Variants in TTC8 observed in about 807,000 individuals in gnomAD.
TTC8 encodes tetratricopeptide repeat domain 8.
TTC8 carries 47 observed loss-of-function variants against 72.5 expected under a neutral mutation model. That is an observed-to-expected ratio of 0.65 (90% CI 0.51 to 0.83). The LOEUF (loss-of-function observed/expected upper bound fraction) is 0.83. TTC8 is among the 40% of genes least tolerant of loss of function. The pLI is 0.00. For missense variants in TTC8, 611 were observed against 623.2 expected (o/e 0.98, Z 0.21); for synonymous variants, 199 against 221.4 (o/e 0.90, Z 0.90).
chr14:88,866,721 A>T (rs2094911521), intron 10 of TTC8, among the ~76,000 whole-genome samples: 1 of 152,186 alleles, frequency 6.6e-6, no homozygotes, highest in African/African-American at 2.4e-5. Context: ...GTGTTGTTGA[A>T]CTATGGTCAA....
At chr14:88,857,382 A>G (rs1208072002) in intron 9 of TTC8, 105 bp downstream of exon 9, 1 of 997,020 alleles carries the variant, frequency 1.0e-6, no homozygotes, top group Non-Finnish European at 1.6e-6. Flanking sequence ...ATATTTGGCA[A>G]GTTACTATGT....
At position 88,853,065 on chromosome 14, in the gene TTC8, C is replaced by T; in HGVS notation, c.710+9C>T. On this transcript the variant is annotated intron_variant, in intron 8 of 14. Coordinates refer to ENST00000380656, the MANE Select transcript of TTC8 (RefSeq NM_144596.4). ...GGAAAATGTTACTACAGGTAAATTT[C>T]ATTATTTGTGAAGGGCTTAGAAGTG... 6.2e-7 allele frequency: 1 copy of T among 1,606,402 alleles called. No individual in the cohort carries two copies. The highest frequency in any genetic ancestry group is 8.5e-7 in the Non-Finnish European group (1 of 1,173,574).
At chr14:88,830,160 T>C (rs2094719522) in intron 1 of TTC8, among the ~76,000 whole-genome samples, 1 of 152,188 alleles carries the variant, frequency 6.6e-6, no homozygotes, top group South Asian at 2.1e-4. Flanking sequence ...GCATAAGTAG[T>C]GGTGGTAATT....
chr14:88,834,565 T>A (rs2094741372), intron 2 of TTC8, among the ~76,000 whole-genome samples: 1 of 152,200 alleles, frequency 6.6e-6, no homozygotes, highest in African/African-American at 2.4e-5. Flanking sequence ...AAAGTACTCT[T>A]ATGGAGGCTT....
At chr14:88,844,981 T>TAGTTAA (rs1408513612) in intron 7 of TTC8, among the ~76,000 whole-genome samples, 14 of 151,822 alleles carry the variant, frequency 9.2e-5, no homozygotes, top group African/African-American at 3.1e-4. Flanking sequence ...ATAAATGAAA[T>TAGTTAA]AGTTAAAGAG....
chr14:88,828,596 AC>A (rs1310782582), intron 1 of TTC8, among the ~76,000 whole-genome samples: 1 of 152,188 alleles, frequency 6.6e-6, no homozygotes, highest in Non-Finnish European at 1.5e-5. Context: ...TTTTGCTCTT[AC>A]GTTTTCCCCT....
chr14:88,869,302 G>A (rs1411044872), intron 10 of TTC8, among the ~76,000 whole-genome samples: 1 of 152,150 alleles, frequency 6.6e-6, no homozygotes, highest in African/African-American at 2.4e-5. Context: ...TATAATAACT[G>A]TAGAAGGTTT....
chr14:88,839,128 T>C (rs1366586516), intron 2 of TTC8, among the ~76,000 whole-genome samples: 1 of 152,202 alleles, frequency 6.6e-6, no homozygotes, highest in Non-Finnish European at 1.5e-5. Flanking sequence ...TGTAGCTTTA[T>C]TCATTTGTTT....
intron 10 of TTC8, among the ~76,000 whole-genome samples, chr14:88,867,944 G>A (rs980438067): frequency 6.6e-5 from 10 of 152,136 alleles, no homozygotes; most frequent in African/African-American, 2.4e-4. Context: ...CATAGATTTG[G>A]GTCAACTGGT....
intron 2 of TTC8, chr14:88,837,120 G>T: frequency 4.7e-6 from 1 of 211,762 alleles, no homozygotes; most frequent in South Asian, 4.7e-5. Flanking sequence ...CCAAATCATA[G>T]TTCTGAAGCC....
At chr14:88,857,565 A>G (rs2094862622) in intron 9 of TTC8, among the ~76,000 whole-genome samples, 1 of 152,136 alleles carries the variant, frequency 6.6e-6, no homozygotes, top group South Asian at 2.1e-4. Flanking sequence ...AACAGGCCCC[A>G]ATGAGGCCTT....
intron 6 of TTC8, among the ~76,000 whole-genome samples, chr14:88,842,674 C>G (rs2094787379): frequency 6.6e-6 from 1 of 152,176 alleles, no homozygotes; most frequent in African/African-American, 2.4e-5. Context: ...GCATCCAGGA[C>G]AGATCTGGTC....
chr14:88,873,046 C>T (rs998904294), intron 13 of TTC8, among the ~76,000 whole-genome samples: 3 of 152,034 alleles, frequency 2.0e-5, no homozygotes, highest in African/African-American at 7.2e-5. Flanking sequence ...TTTTTAAAAC[C>T]AAGACTGTTT....
intron 2 of TTC8, among the ~76,000 whole-genome samples, 193 bp from the exon 3 acceptor site, chr14:88,839,259 T>A (rs2094768031): frequency 6.6e-6 from 1 of 151,952 alleles, no homozygotes. Flanking sequence ...GATACATTGG[T>A]TGTTTCTTGA....
intron 1 of TTC8, 77 bp downstream of exon 1, chr14:88,824,898 T>G (rs2140944483): frequency 7.1e-7 from 1 of 1,402,264 alleles, no homozygotes; most frequent in Non-Finnish European, 9.9e-7. Context: ...AGCCCCGGGT[T>G]GGGAGGCCGG....
At chr14:88,837,314 C>T (rs1162638407) in intron 2 of TTC8, among the ~76,000 whole-genome samples, 1 of 152,110 alleles carries the variant, frequency 6.6e-6, no homozygotes, top group Non-Finnish European at 1.5e-5. Context: ...TTTGCCTGTC[C>T]GCTGGGCCCA....
intron 7 of TTC8, among the ~76,000 whole-genome samples, chr14:88,846,008 C>T (rs931307914): frequency 6.6e-6 from 1 of 151,904 alleles, no homozygotes; most frequent in Non-Finnish European, 1.5e-5. Flanking sequence ...GGGGAGTGGT[C>T]ATTGAAGTCT....
At chr14:88,880,260 A>T (rs960272158), downstream of TTC8, 4 of 152,216 alleles carry the variant, frequency 2.6e-5, no homozygotes, top group Non-Finnish European at 5.9e-5. Context: ...GGAAACATTT[A>T]TTTAGCAATT....
chr14:88,836,004 G>A (rs17124892), intron 2 of TTC8, among the ~76,000 whole-genome samples: 4,142 of 152,118 alleles, frequency 0.027, 141 homozygotes, highest in East Asian at 0.16. Flanking sequence ...GGACAGAAGA[G>A]AACTCAGGAA....
Sources: gnomAD v4.1 joint callset for allele counts (sites outside exome capture counted in the v4.1 genomes callset) on GRCh38, gnomAD v4.1.1 for gene constraint, MANE v1.5 for transcripts, NCBI Gene and HGNC (gene_info 2026-07-23, HGNC 2026-07-21) for gene names.